The following TAFA5 variants were observed in gnomAD, a reference collection of about 807,000 sequenced individuals.
TAFA5 encodes the protein chemokine-like protein TAFA-5.
TAFA5 carries 6 observed loss-of-function variants against 15.3 expected under a neutral mutation model. The observed-to-expected ratio is 0.39, with a 90% confidence interval of 0.21 to 0.77. The LOEUF is 0.77. Among genes scored for constraint, TAFA5 ranks in the 30% least tolerant of loss-of-function variants. The pLI is 0.41. For missense variants in TAFA5, 161 were observed against 193.1 expected (o/e 0.83, Z 0.98); for synonymous variants, 103 against 80.7 (o/e 1.28, Z -1.48).
At chr22:48,641,554 C>T (rs1443037038) in intron 1 of TAFA5, among the ~76,000 whole-genome samples, 8 of 149,530 alleles carry the variant, frequency 5.4e-5, no homozygotes, top group Admixed American at 4.0e-4. Flanking sequence ...CCCTCGCACA[C>T]GATGCCCTCC....
rs141279379 is a variant in TAFA5, at chr22:48,489,907, C to T, written c.112+203C>T. Among the ~76,000 whole-genome samples the T allele has an allele frequency of 0.088, 13,376 of 151,862 alleles. 726 individuals are homozygous for T. Among genetic ancestry groups the T allele is most frequent in the Non-Finnish European group, 0.13 (8,595 of 67,878 alleles). On this transcript the variant is annotated intron_variant, in intron 1 of 3. Coordinates refer to ENST00000402357, the MANE Select transcript of TAFA5 (RefSeq NM_001082967.3). The surrounding 1 kb of genome is among the most constrained non-coding windows in gnomAD (Gnocchi z 5.5). ...CCGGGTTCCGGGCGCTCGAGCACTT[C>T]GGGGTCGGACGCCCCGGCCCGAGCC...
chr22:48,660,421 G>A (rs5771696), intron 2 of TAFA5, among the ~76,000 whole-genome samples: 69,656 of 152,016 alleles, frequency 0.46, 16,313 homozygotes, highest in South Asian at 0.62. Context: ...TTTTTTATGG[G>A]GCTGTGTTGC....
rs916584968 is a variant in TAFA5 at position 48,699,843 on chromosome 22, G to A, written c.263-7874G>A. On this transcript the variant is annotated intron_variant, in intron 2 of 3. Coordinates refer to ENST00000402357, the MANE Select transcript of TAFA5 (RefSeq NM_001082967.3). ...TACTCCTGATGAACTGCTCTGAGAC[G>A]GGGAGAGGGAAGGCGGGAAGCACAC... 1.6e-4 allele frequency among the ~76,000 whole-genome samples: 24 copies of A among 152,228 alleles called. 1 individual carries two copies. Among genetic ancestry groups the A allele is most frequent in the Admixed American group, 1.0e-3 (16 of 15,278 alleles).
chr22:48,660,661 T>C (rs1293636319), intron 2 of TAFA5, among the ~76,000 whole-genome samples: 3 of 152,238 alleles, frequency 2.0e-5, no homozygotes, highest in Non-Finnish European at 2.9e-5. Context: ...GGCAGATGAC[T>C]GGAGCTGCGG....
rs1345519267 is a variant in TAFA5 at position 48,745,229 on chromosome 22, T to G, written c.391-4610T>G. On this transcript the variant is annotated intron_variant, in intron 3 of 3. Transcript: ENST00000402357. ...CCTGTCCAGGGTTCACCCTGAGCAT[T>G]GGCACACACGGCTTTGTCGGCGGCG... Among the ~76,000 whole-genome samples the G allele has an allele frequency of 1.9e-3, 271 of 140,132 alleles. 1 individual carries two copies. Among genetic ancestry groups the G allele is most frequent in the African/African-American group, 6.8e-3 (251 of 37,006 alleles). The allele number at this position is 140,132 out of a possible 152,430, so 91.9% of individuals were successfully genotyped here.
chr22:48,499,541 C>G (rs2147094995), intron 1 of TAFA5, among the ~76,000 whole-genome samples: 1 of 152,342 alleles, frequency 6.6e-6, no homozygotes, highest in South Asian at 2.1e-4. Context: ...TCCCCTGACT[C>G]TGGTCCCTGG....
At chr22:48,563,356 G>T (rs558220436) in intron 1 of TAFA5, among the ~76,000 whole-genome samples, 4 of 152,188 alleles carry the variant, frequency 2.6e-5, no homozygotes, top group South Asian at 4.1e-4. Context: ...TGGGGACCAC[G>T]GGGGCCGTTT....
At chr22:48,544,636 C>A in intron 1 of TAFA5, 1 of 462,628 alleles carries the variant, frequency 2.2e-6, no homozygotes. Context: ...CATTTCCACC[C>A]CCCTTCTTAA....
chr22:48,663,794 G>A (rs886849478), intron 2 of TAFA5, among the ~76,000 whole-genome samples: 8 of 152,160 alleles, frequency 5.3e-5, no homozygotes, highest in African/African-American at 1.4e-4. Flanking sequence ...CTAAGTAGCC[G>A]TCTTGGTTAT....
intron 2 of TAFA5, among the ~76,000 whole-genome samples, chr22:48,657,302 A>G (rs987057496): frequency 1.3e-5 from 2 of 152,228 alleles, no homozygotes; most frequent in African/African-American, 4.8e-5. Flanking sequence ...CATTCCTAGA[A>G]AGACACAAAC....
intron 1 of TAFA5, among the ~76,000 whole-genome samples, chr22:48,630,404 G>T (rs1026567104): frequency 6.6e-6 from 1 of 152,188 alleles, no homozygotes; most frequent in Admixed American, 6.5e-5. Context: ...AAGGAGGCTT[G>T]CTCCACTGCT....
chr22:48,504,459 T>C (rs949300239), intron 1 of TAFA5, among the ~76,000 whole-genome samples: 102 of 152,228 alleles, frequency 6.7e-4, no homozygotes, highest in African/African-American at 2.3e-3. Context: ...ACACCATCAT[T>C]TGAAGGAGTC....
intron 1 of TAFA5, among the ~76,000 whole-genome samples, chr22:48,491,383 A>AGAGAG (rs1928149346): frequency 6.6e-6 from 1 of 151,836 alleles, no homozygotes; most frequent in South Asian, 2.1e-4. Context: ...AGGAGAGGAG[A>AGAGAG]GAGAGGAGAG....
At chr22:48,686,341 G>C (rs533747634) in intron 2 of TAFA5, among the ~76,000 whole-genome samples, 2 of 152,200 alleles carry the variant, frequency 1.3e-5, no homozygotes, top group Non-Finnish European at 2.9e-5. Flanking sequence ...GTAGGGTCGG[G>C]TTCTGGTGAG....
intron 2 of TAFA5, among the ~76,000 whole-genome samples, chr22:48,669,888 C>A (rs1927746084): frequency 6.6e-6 from 1 of 152,258 alleles, no homozygotes; most frequent in South Asian, 2.1e-4. Context: ...GTTTCACCAG[C>A]CCTAAGGCTG....
chr22:48,570,265 T>C (rs1009810388), intron 1 of TAFA5, among the ~76,000 whole-genome samples: 28 of 152,264 alleles, frequency 1.8e-4, no homozygotes, highest in African/African-American at 6.5e-4. Flanking sequence ...CCTATACATA[T>C]ACCACTTCTT....
At chr22:48,558,048 C>T (rs2147130418) in intron 1 of TAFA5, among the ~76,000 whole-genome samples, 1 of 152,266 alleles carries the variant, frequency 6.6e-6, no homozygotes, top group East Asian at 1.9e-4. Context: ...CCTCCCCTGT[C>T]TCCTTTAGAT....
At chr22:48,537,272 G>C (rs1922201937) in intron 1 of TAFA5, among the ~76,000 whole-genome samples, 1 of 152,226 alleles carries the variant, frequency 6.6e-6, no homozygotes. Context: ...CTGGGGACCT[G>C]AGGACATGAG....
intron 1 of TAFA5, among the ~76,000 whole-genome samples, chr22:48,548,475 C>T (rs1049315677): frequency 1.1e-4 from 17 of 152,298 alleles, no homozygotes; most frequent in African/African-American, 3.8e-4. Context: ...CAGTGCTGTT[C>T]GGGACCCTGG....
Sources: allele counts gnomAD v4.1 joint callset (sites outside exome capture counted in the v4.1 genomes callset), GRCh38; gene constraint gnomAD v4.1.1; non-coding constraint Gnocchi (gnomAD v3.1); transcripts MANE v1.5; gene names NCBI Gene and HGNC (gene_info 2026-07-23, HGNC 2026-07-21).